The following NTN1 variants were observed in gnomAD, a reference collection of about 807,000 sequenced individuals.
NTN1 encodes netrin 1.
In NTN1, 11 loss-of-function variants were observed where a neutral mutation model predicts 54.2. The observed-to-expected ratio is 0.20, with a 90% CI of 0.13 to 0.34. The LOEUF is 0.34. Among genes scored for constraint, NTN1 ranks in the 10% least tolerant of loss-of-function variants. The probability of loss-of-function intolerance (pLI) is 1.00; values close to 1 mark genes in which losing one functional copy is unlikely to be tolerated. For synonymous variants in NTN1, 371 were observed against 382.0 expected (o/e 0.97, Z 0.33); for missense variants, 740 against 893.1 (o/e 0.83, Z 2.18).
At chr17:9,150,846 C>T (rs775095705) in intron 2 of NTN1, among the ~76,000 whole-genome samples, 2 of 152,022 alleles carry the variant, frequency 1.3e-5, no homozygotes, top group Non-Finnish European at 2.9e-5. Context: ...TGGGGGATGG[C>T]CCCCGCTGTC....
intron 6 of NTN1, among the ~76,000 whole-genome samples, chr17:9,235,652 C>T (rs1905960015): frequency 6.6e-6 from 1 of 152,130 alleles, no homozygotes; most frequent in African/African-American, 2.4e-5. Flanking sequence ...AGGGCTTGCT[C>T]TCTGCTTCAG....
chr17:9,126,867 A>G (rs2092249043), intron 2 of NTN1, among the ~76,000 whole-genome samples: 1 of 152,098 alleles, frequency 6.6e-6, no homozygotes, highest in African/African-American at 2.4e-5. Flanking sequence ...GCAATGGGGA[A>G]CCAGGATGGT....
chr17:9,131,182 C>G (rs1018336023), intron 2 of NTN1, among the ~76,000 whole-genome samples: 2 of 152,190 alleles, frequency 1.3e-5, no homozygotes, highest in African/African-American at 4.8e-5. Flanking sequence ...ACCTTCATGT[C>G]ATTGACTCAA....
At chr17:9,006,155 A>T in the NTN1 span, among the ~76,000 whole-genome samples, 6 of 83,540 alleles carry the variant, frequency 7.2e-5, no homozygotes, top group Non-Finnish European at 1.4e-4. Flanking sequence ...GGGTAGGGGG[A>T]GGAGAAGCCA....
intron 2 of NTN1, among the ~76,000 whole-genome samples, chr17:9,084,709 T>C (rs1051026333): frequency 7.2e-6 from 1 of 139,480 alleles, no homozygotes; most frequent in Non-Finnish European, 1.5e-5. Context: ...TGGAGTGCAG[T>C]GGCGTGATCT....
At chr17:9,093,810 C>T (rs2142235549) in intron 2 of NTN1, among the ~76,000 whole-genome samples, 1 of 152,168 alleles carries the variant, frequency 6.6e-6, no homozygotes, top group Non-Finnish European at 1.5e-5. Context: ...CCTGTCTCTT[C>T]TAAAAATATA....
At chr17:9,150,954 T>C (rs1415377918) in intron 2 of NTN1, among the ~76,000 whole-genome samples, 1 of 152,194 alleles carries the variant, frequency 6.6e-6, no homozygotes, top group East Asian at 1.9e-4. Context: ...CCGGTATCCT[T>C]AATCCTGCCC....
chr17:9,077,867 A>G (rs1597479538), intron 2 of NTN1, among the ~76,000 whole-genome samples: 1 of 152,302 alleles, frequency 6.6e-6, no homozygotes, highest in East Asian at 1.9e-4. Flanking sequence ...TCTGTTGGTC[A>G]TCAGTATTTG....
chr17:9,129,598 C>G (rs186732249), intron 2 of NTN1, among the ~76,000 whole-genome samples: 1 of 152,182 alleles, frequency 6.6e-6, no homozygotes, highest in Admixed American at 6.6e-5. Flanking sequence ...GAATCTCCCC[C>G]AAAAGCATGT....
At chr17:9,200,264 G>C (rs1034006901) in intron 5 of NTN1, among the ~76,000 whole-genome samples, 1 of 152,224 alleles carries the variant, frequency 6.6e-6, no homozygotes, top group African/African-American at 2.4e-5. Context: ...TGTTTTCCCT[G>C]CTGAACACAA....
intron 6 of NTN1, among the ~76,000 whole-genome samples, chr17:9,237,966 A>T (rs968845215): frequency 6.6e-6 from 1 of 152,204 alleles, no homozygotes; most frequent in Non-Finnish European, 1.5e-5. Flanking sequence ...CAGGATGCCC[A>T]GGAACAGCTG....
intron 5 of NTN1, among the ~76,000 whole-genome samples, chr17:9,208,454 G>A (rs188145344): frequency 1.3e-5 from 2 of 152,314 alleles, no homozygotes; most frequent in African/African-American, 4.8e-5. Context: ...GCGGTGACCT[G>A]CACTGTGCTA....
intron 2 of NTN1, among the ~76,000 whole-genome samples, chr17:9,081,667 T>C (rs1217087485): frequency 6.6e-6 from 1 of 152,212 alleles, no homozygotes; most frequent in African/African-American, 2.4e-5. Context: ...AGGTGGGCCT[T>C]TCTCAATATC....
rs536627190 is a variant in NTN1, at chr17:9,060,907, C to T, written c.1018+37516C>T. ...AGGAGAATCACTTGAACCTGGGAGG[C>T]GGAGGTTGCAGTGAGCCGAGATTGT... On this transcript the variant is annotated intron_variant, in intron 2 of 6. Coordinates refer to ENST00000173229, the MANE Select transcript of NTN1 (RefSeq NM_004822.3). Among the ~76,000 whole-genome samples, 28 of 132,562 alleles carry T rather than the reference C, an allele frequency of 2.1e-4. No homozygotes were observed. The East Asian group carries it at 5.7e-3, about 27-fold the overall frequency. The allele number at this position is 132,562 out of a possible 152,430, so 87.0% of individuals were successfully genotyped here.
At position 9,022,759 on chromosome 17, in the gene NTN1, C is replaced by T; in HGVS notation, c.386C>T (p.Pro129Leu). Reference sequence around the variant, plus strand: ...CAGTCCGAGAACTACCTGCAGTTCCCGCACAACGTCACGCTCACACTGTCC... The same window carrying T: ...CAGTCCGAGAACTACCTGCAGTTCCTGCACAACGTCACGCTCACACTGTCC... ...CWQSENYLQF[P>L]HNVTLTLSLG... is the part of the protein sequence containing the mutation. Residue 129 changes from proline (P) to leucine (L), a missense_variant, in exon 2 of 7, where the codon CCG becomes CTG. Pro to Leu is a moderately conservative substitution (Grantham distance 98). Coordinates refer to ENST00000173229, the MANE Select transcript of NTN1 (RefSeq NM_004822.3). The T allele has an allele frequency of 5.0e-6, 8 of 1,609,722 alleles. No homozygotes were observed. The highest frequency in any genetic ancestry group is 4.2e-6 in the Non-Finnish European group (5 of 1,178,738).
chr17:9,035,197 C>T lies in NTN1; in HGVS notation c.1018+11806C>T, dbSNP rs1444063834. Among the ~76,000 whole-genome samples, 5 of 152,336 alleles carry T rather than the reference C, an allele frequency of 3.3e-5. No individual in the cohort carries two copies. The South Asian group carries it at 1.0e-3, about 32-fold the overall frequency. On this transcript the variant is annotated intron_variant, in intron 2 of 6. Transcript: ENST00000173229. Reference sequence around the variant, plus strand: ...TCCTGACCTTGTGATCCGCCCGCCTCAGCCTCCCAAAGTGCTGGGATTACA... The same window carrying T: ...TCCTGACCTTGTGATCCGCCCGCCTTAGCCTCCCAAAGTGCTGGGATTACA...
chr17:9,006,706 C>T, the NTN1 span, among the ~76,000 whole-genome samples: 28 of 152,280 alleles, frequency 1.8e-4, no homozygotes, highest in East Asian at 4.2e-3. Flanking sequence ...CCAGATATGG[C>T]CCTGGACACC....
rs771871539 is a variant in NTN1 at position 9,022,772 on chromosome 17, G to A, written c.399G>A (p.Thr133=). The change falls in exon 2 of 7, where the codon ACG becomes ACA. Residue 133 remains threonine, a synonymous_variant. Coordinates refer to ENST00000173229, the MANE Select transcript of NTN1 (RefSeq NM_004822.3). ...ACCTGCAGTTCCCGCACAACGTCAC[G>A]CTCACACTGTCCCTCGGCAAGAAGT... ...ENYLQFPHNV[T]LTLSLGKKFE... The A allele has an allele frequency of 6.2e-7, 1 of 1,610,238 alleles. No individual in the cohort carries two copies. Among genetic ancestry groups the A allele is most frequent in the South Asian group, 1.1e-5 (1 of 90,544 alleles).
At chr17:9,109,543 G>C (rs1030310666) in intron 2 of NTN1, among the ~76,000 whole-genome samples, 4 of 152,226 alleles carry the variant, frequency 2.6e-5, no homozygotes, top group Admixed American at 1.3e-4. Context: ...TCAATGGCCA[G>C]TCAGCTTTTC....
Sources: gnomAD v4.1 joint callset for allele counts (sites outside exome capture counted in the v4.1 genomes callset) on GRCh38, gnomAD v4.1.1 for gene constraint, MANE v1.5 for transcripts, NCBI Gene and HGNC (gene_info 2026-07-23, HGNC 2026-07-21) for gene names.